Variants in USP10 observed in about 807,000 individuals in gnomAD.
The protein encoded by USP10 is ubiquitin carboxyl-terminal hydrolase 10.
A neutral mutation model predicts 84.5 loss-of-function variants in USP10; 22 were observed. That is an observed-to-expected ratio of 0.26 (90% confidence interval 0.19 to 0.37). The LOEUF (loss-of-function observed/expected upper bound fraction) is 0.37. Ranked by LOEUF, USP10 falls within the 10% of genes least tolerant of loss-of-function variation. USP10 has a pLI of 1.00. For missense variants in USP10, 1,019 were observed against 998.9 expected (o/e 1.02, Z -0.27); for synonymous variants, 454 against 387.6 (o/e 1.17, Z -2.01).
At chr16:84,722,497 C>T (rs775555580) in intron 1 of USP10, among the ~76,000 whole-genome samples, 2 of 152,156 alleles carry the variant, frequency 1.3e-5, no homozygotes, top group Non-Finnish European at 2.9e-5. Context: ...GCGGCCATGC[C>T]GTTTTCTATC....
chr16:84,702,045 C>CTT lies in USP10; in HGVS notation c.21+1961_21+1962dup, dbSNP rs1168917308. Reference sequence around the variant, plus strand: ...ATTTATTTTGAGATGGAGTTTCGCTCTTTTTTTTTTTTTTTTTTTTTTTTT... The same window carrying CTT: ...ATTTATTTTGAGATGGAGTTTCGCTCTTTTTTTTTTTTTTTTTTTTTTTTTTT... On this transcript the variant is annotated intron_variant, in intron 1 of 13. Coordinates refer to ENST00000219473, the MANE Select transcript of USP10 (RefSeq NM_005153.3). 9.9e-4 allele frequency among the ~76,000 whole-genome samples: 42 copies of CTT among 42,628 alleles called. 8 individuals carry two copies. The highest frequency in any genetic ancestry group is 1.5e-3 in the African/African-American group (14 of 9,066). The allele number at this position is 42,628 out of a possible 152,430, so 28.0% of individuals were successfully genotyped here.
chr16:84,774,244 A>G (rs1327131047), intron 12 of USP10, among the ~76,000 whole-genome samples: 2 of 151,974 alleles, frequency 1.3e-5, no homozygotes, highest in Non-Finnish European at 2.9e-5. Context: ...CTCCATCTCA[A>G]AAAAATAAAT....
At chr16:84,738,888 G>A (rs1035308345) in intron 2 of USP10, among the ~76,000 whole-genome samples, 1 of 152,178 alleles carries the variant, frequency 6.6e-6, no homozygotes, top group African/African-American at 2.4e-5. Context: ...TTGGGCATGA[G>A]ACTTACCTAG....
At chr16:84,717,205 T>G (rs772289974) in intron 1 of USP10, among the ~76,000 whole-genome samples, 5 of 151,990 alleles carry the variant, frequency 3.3e-5, no homozygotes, top group African/African-American at 7.3e-5. Flanking sequence ...AGAGGGTCTG[T>G]GAAGTTCTGA....
At chr16:84,743,320 C>A (rs1249303089) in intron 3 of USP10, among the ~76,000 whole-genome samples, 1 of 152,168 alleles carries the variant, frequency 6.6e-6, no homozygotes, top group East Asian at 1.9e-4. Flanking sequence ...CCCTTCACCC[C>A]CCACAGTCGG....
rs541276395 is a variant in USP10 at position 84,774,628 on chromosome 16, G to A, written c.2144-532G>A. 3.8e-4 allele frequency among the ~76,000 whole-genome samples: 57 copies of A among 151,924 alleles called. 1 individual carries two copies. The highest frequency in any genetic ancestry group is 1.0e-3 in the South Asian group (5 of 4,804). On this transcript the variant is annotated intron_variant, in intron 12 of 13. Coordinates refer to ENST00000219473, the MANE Select transcript of USP10 (RefSeq NM_005153.3). ...TGAGACTACAGCCGCGTGCCACCACGCCCGGGTAATTTTTTGTATTTTTAA... is the reference window on the plus strand; with the variant it reads ...TGAGACTACAGCCGCGTGCCACCACACCCGGGTAATTTTTTGTATTTTTAA...
chr16:84,746,095 T>G (rs1376586589), intron 4 of USP10, among the ~76,000 whole-genome samples: 6 of 142,776 alleles, frequency 4.2e-5, no homozygotes, highest in East Asian at 2.0e-4. Flanking sequence ...AATAACATGG[T>G]TTTTTTTTTT....
intron 1 of USP10, chr16:84,704,983 G>A (rs1905288876): frequency 1.5e-6 from 2 of 1,369,302 alleles, no homozygotes; most frequent in Admixed American, 4.0e-5. Flanking sequence ...CCCAGCACCT[G>A]CTACCGTCTG....
intron 11 of USP10, among the ~76,000 whole-genome samples, chr16:84,770,217 C>T (rs574034942): frequency 2.6e-5 from 4 of 152,238 alleles, no homozygotes; most frequent in Non-Finnish European, 4.4e-5. Flanking sequence ...TGGTGTGTTA[C>T]CAGATGAGGC....
In USP10 at chr16:84,768,366, C is replaced by T; in HGVS notation, c.1998+8C>T. The T allele has an allele frequency of 1.3e-6, 2 of 1,573,638 alleles. No homozygotes were observed. Among genetic ancestry groups the T allele is most frequent in the Non-Finnish European group, 1.7e-6 (2 of 1,156,322 alleles). On this transcript the variant is annotated splice_region_variant and intron_variant, in intron 11 of 13. Coordinates refer to ENST00000219473, the MANE Select transcript of USP10 (RefSeq NM_005153.3). ...ACAAAAACCAAACAAGAGGTATGTT[C>T]ACACTTGATTTTGAACCTTTCTACT...
intron 10 of USP10, among the ~76,000 whole-genome samples, chr16:84,766,527 T>C (rs904087058): frequency 7.2e-5 from 11 of 152,172 alleles, no homozygotes; most frequent in African/African-American, 2.7e-4. Context: ...GGACACCCCC[T>C]CGGGATGGGA....
chr16:84,709,202 A>T (rs575352434), intron 1 of USP10: 2 of 152,338 alleles, frequency 1.3e-5, no homozygotes, highest in Admixed American at 6.5e-5. Flanking sequence ...ACAGTTACGT[A>T]CACGTCACTC....
At chr16:84,753,266 T>C (rs1388373479) in intron 4 of USP10, among the ~76,000 whole-genome samples, 2 of 152,204 alleles carry the variant, frequency 1.3e-5, no homozygotes, top group Admixed American at 6.5e-5. Flanking sequence ...AATAGAACTT[T>C]ATTAATATAT....
At chr16:84,719,509 C>G (rs529809585) in intron 1 of USP10, among the ~76,000 whole-genome samples, 10 of 152,344 alleles carry the variant, frequency 6.6e-5, no homozygotes, top group African/African-American at 2.4e-4. Context: ...TGAGGATGCT[C>G]TGATTCTAAG....
At chr16:84,718,479 C>T (rs1404803584) in intron 1 of USP10, among the ~76,000 whole-genome samples, 3 of 152,152 alleles carry the variant, frequency 2.0e-5, no homozygotes, top group Non-Finnish European at 2.9e-5. Flanking sequence ...TTTCTTCTGG[C>T]CGGGTGCGGT....
At chr16:84,740,197 A>G (rs1910463975) in intron 2 of USP10, 112 bp from the exon 3 acceptor site, 1 of 903,152 alleles carries the variant, frequency 1.1e-6, no homozygotes, top group South Asian at 1.7e-5. Context: ...AAGTAACGGC[A>G]TGCAAAGTTG....
intron 8 of USP10, 57 bp downstream of exon 8, chr16:84,760,332 G>C (rs1913065397): frequency 3.4e-6 from 5 of 1,456,906 alleles, no homozygotes; most frequent in Admixed American, 4.0e-5. Context: ...TCCAGTGTTT[G>C]TGTGGTAACT....
At chr16:84,756,648 G>A (rs759136375) in intron 4 of USP10, among the ~76,000 whole-genome samples, 1 of 151,818 alleles carries the variant, frequency 6.6e-6, no homozygotes. Flanking sequence ...TTAAGGTTAG[G>A]TTTAAAAAAA....
At chr16:84,703,456 T>G (rs758331832) in intron 1 of USP10, among the ~76,000 whole-genome samples, 49 of 152,234 alleles carry the variant, frequency 3.2e-4, no homozygotes, top group Non-Finnish European at 1.3e-4. Flanking sequence ...ACATTTTACA[T>G]GATGGAAAGT....
Sources: allele counts gnomAD v4.1 joint callset (sites outside exome capture counted in the v4.1 genomes callset), GRCh38; gene constraint gnomAD v4.1.1; transcripts MANE v1.5; gene names NCBI Gene and HGNC (gene_info 2026-07-23, HGNC 2026-07-21).